Variants in CSMD1 observed in about 807,000 individuals in gnomAD.
CSMD1 encodes the protein CUB and Sushi multiple domains 1, also known as CUB and sushi domain-containing protein 1.
A neutral mutation model predicts 417.5 loss-of-function variants in CSMD1; 213 were observed. That is an observed-to-expected ratio of 0.51 (90% CI 0.46 to 0.57). The LOEUF (loss-of-function observed/expected upper bound fraction) is 0.57. Ranked by LOEUF, CSMD1 falls within the 20% of genes least tolerant of loss-of-function variation. CSMD1 has a pLI of 0.00. For synonymous variants in CSMD1, 2,862 were observed against 1,736.8 expected (o/e 1.65, Z -16.11); for missense variants, 6,923 against 4,529.7 (o/e 1.53, Z -15.17).
intron 3 of CSMD1, among the ~76,000 whole-genome samples, chr8:4,041,313 G>A (rs1585189491): frequency 6.6e-6 from 1 of 152,112 alleles, no homozygotes; most frequent in South Asian, 2.1e-4. Context: ...CACCGCGCCT[G>A]GCCGGGCCTT....
At chr8:3,283,535 T>A (rs1327743050) in intron 26 of CSMD1, among the ~76,000 whole-genome samples, 1 of 149,194 alleles carries the variant, frequency 6.7e-6, no homozygotes. Context: ...ATACTGACAG[T>A]GTTCAGAACC....
chr8:4,977,142 G>A (rs1810607211), intron 1 of CSMD1, among the ~76,000 whole-genome samples: 1 of 152,106 alleles, frequency 6.6e-6, no homozygotes, highest in Non-Finnish European at 1.5e-5. Flanking sequence ...TGTTCCTATA[G>A]TAATGATCAT....
intron 2 of CSMD1, among the ~76,000 whole-genome samples, chr8:4,534,841 C>T (rs1053226213): frequency 6.6e-6 from 1 of 152,134 alleles, no homozygotes; most frequent in African/African-American, 2.4e-5. Context: ...CAGCTCGATG[C>T]AAGCTCCGCC....
At chr8:3,872,987 T>C (rs1013622041) in intron 5 of CSMD1, among the ~76,000 whole-genome samples, 1 of 151,630 alleles carries the variant, frequency 6.6e-6, no homozygotes, top group East Asian at 1.9e-4. Context: ...GAAACGCAAA[T>C]CAAAACCACA....
intron 1 of CSMD1, among the ~76,000 whole-genome samples, chr8:4,978,513 G>C (rs1314823994): frequency 1.3e-5 from 2 of 152,146 alleles, no homozygotes; most frequent in Non-Finnish European, 2.9e-5. Context: ...CCTTGAAAAA[G>C]CTAACAGATT....
rs370079292 is a variant in CSMD1 at position 3,312,679 on chromosome 8, C to A, written c.3632-4176G>T. Among the ~76,000 whole-genome samples the A allele has an allele frequency of 7.0e-4, 106 of 152,252 alleles. 2 individuals carry two copies. The highest frequency in any genetic ancestry group is 2.4e-3 in the African/African-American group (100 of 41,552). On this transcript the variant is annotated intron_variant, in intron 23 of 69. Coordinates refer to ENST00000635120, the MANE Select transcript of CSMD1 (RefSeq NM_033225.6). ...GAGAAACATCCCTAGAAATCTGAAG[C>A]TTCTACTTCGTGTCACTTGCGCCGT...
chr8:4,498,794 G>A (rs767291941), intron 2 of CSMD1, among the ~76,000 whole-genome samples: 8 of 152,112 alleles, frequency 5.3e-5, no homozygotes, highest in African/African-American at 1.7e-4. Context: ...AGCTAACAGA[G>A]TTATTACCGA....
intron 3 of CSMD1, among the ~76,000 whole-genome samples, chr8:4,140,115 G>A (rs962725527): frequency 5.3e-5 from 8 of 150,956 alleles, no homozygotes; most frequent in Admixed American, 2.0e-4. Context: ...CACTTTTGGA[G>A]GTGAAGGCGG....
intron 5 of CSMD1, among the ~76,000 whole-genome samples, chr8:3,958,195 A>G (rs1346920138): frequency 2.6e-5 from 4 of 152,220 alleles, no homozygotes; most frequent in South Asian, 2.1e-4. Context: ...GGAGAAAACA[A>G]ATATCTTAAC....
intron 2 of CSMD1, among the ~76,000 whole-genome samples, chr8:4,580,651 T>A (rs1328761125): frequency 1.3e-5 from 2 of 152,128 alleles, no homozygotes; most frequent in Non-Finnish European, 2.9e-5. Flanking sequence ...AGACATTCTC[T>A]TCTACCCTGG....
At chr8:4,030,403 C>T (rs972712595) in intron 4 of CSMD1, among the ~76,000 whole-genome samples, 3 of 152,200 alleles carry the variant, frequency 2.0e-5, no homozygotes, top group African/African-American at 7.2e-5. Flanking sequence ...TTCGCAGGCT[C>T]AACACCACAT....
chr8:4,871,221 G>C (rs1348041833), intron 1 of CSMD1, among the ~76,000 whole-genome samples: 2 of 152,120 alleles, frequency 1.3e-5, no homozygotes, highest in South Asian at 2.1e-4. Flanking sequence ...GAAAGGAAGT[G>C]GGTGGTCCAG....
intron 3 of CSMD1, among the ~76,000 whole-genome samples, chr8:4,204,913 G>T (rs939980082): frequency 6.6e-6 from 1 of 152,060 alleles, no homozygotes; most frequent in African/African-American, 2.4e-5. Context: ...TCCCATCTCA[G>T]CTTCCCAAAG....
At chr8:4,834,307 G>C (rs1157910614) in intron 1 of CSMD1, among the ~76,000 whole-genome samples, 1 of 152,140 alleles carries the variant, frequency 6.6e-6, no homozygotes, top group Non-Finnish European at 1.5e-5. Flanking sequence ...GTTACATACT[G>C]GGAACAGAAA....
intron 54 of CSMD1, among the ~76,000 whole-genome samples, chr8:2,982,789 C>A (rs1465246280): frequency 6.6e-6 from 1 of 152,178 alleles, no homozygotes; most frequent in African/African-American, 2.4e-5. Flanking sequence ...CAGTGTTTTC[C>A]TGAAAAACTC....
chr8:4,980,401 C>T (rs1202710263), intron 1 of CSMD1, among the ~76,000 whole-genome samples: 1 of 152,132 alleles, frequency 6.6e-6, no homozygotes, highest in African/African-American at 2.4e-5. Context: ...GATGGAGAGG[C>T]AGGTCTGGTC....
At chr8:4,514,610 G>C (rs780384649) in intron 2 of CSMD1, among the ~76,000 whole-genome samples, 55 of 152,026 alleles carry the variant, frequency 3.6e-4, no homozygotes, top group Non-Finnish European at 7.1e-4. Flanking sequence ...CCTGTATCTT[G>C]GTTTTTAAAG....
At chr8:3,050,863 T>C (rs1036760442) in intron 50 of CSMD1, among the ~76,000 whole-genome samples, 10 of 152,202 alleles carry the variant, frequency 6.6e-5, no homozygotes, top group African/African-American at 2.4e-4. Flanking sequence ...AAGCCAATGA[T>C]CTGACTTTAT....
chr8:3,422,226 C>T (rs1813540615), intron 12 of CSMD1, among the ~76,000 whole-genome samples: 1 of 152,138 alleles, frequency 6.6e-6, no homozygotes, highest in Admixed American at 6.5e-5. Flanking sequence ...GCTGTTTCCT[C>T]AAGGGCTGGA....
Sources: gnomAD v4.1 joint callset for allele counts (sites outside exome capture counted in the v4.1 genomes callset) on GRCh38, gnomAD v4.1.1 for gene constraint, MANE v1.5 for transcripts, NCBI Gene and HGNC (gene_info 2026-07-23, HGNC 2026-07-21) for gene names.